Variants in DIAPH2 observed in about 807,000 individuals in gnomAD.
The protein encoded by DIAPH2 is diaphanous related formin 2, also known as protein diaphanous homolog 2.
In DIAPH2, 35 loss-of-function variants were observed where a neutral mutation model predicts 92.7. That is an observed-to-expected ratio of 0.38 (90% CI 0.29 to 0.50). The LOEUF is 0.50. Ranked by LOEUF, DIAPH2 falls within the 20% of genes least tolerant of loss-of-function variation. DIAPH2 has a pLI of 0.94. For missense variants in DIAPH2, 701 were observed against 819.5 expected, an observed-to-expected ratio of 0.86 and a Z score of 1.77; for synonymous variants, 301 against 280.4, an observed-to-expected ratio of 1.07 and a Z score of -0.73.
intron 24 of DIAPH2, among the ~76,000 whole-genome samples, chrX:97,355,942 C>G (rs1316295409): frequency 1.8e-5 from 2 of 111,930 alleles, no homozygotes; most frequent in Non-Finnish European, 3.8e-5. Context: ...CCTGCCTGTC[C>G]TGTCTTGCTG....
In DIAPH2 at chrX:96,898,349, A is replaced by C. The variant is rs1188886565; in HGVS notation, c.588-13979A>C. Among the ~76,000 whole-genome samples the C allele has an allele frequency of 7.1e-3, 729 of 102,595 alleles. 8 individuals carry two copies. Among genetic ancestry groups the C allele is most frequent in the African/African-American group, 0.023 (656 of 29,063 alleles). 89.1% of individuals were successfully genotyped at this position (102,595 alleles called of 115,157 possible). On this transcript the variant is annotated intron_variant, in intron 5 of 26. Transcript: ENST00000324765. ...CAGTTTACAGTCCCACCAACAGTGT[A>C]AAAGTGTTCCTATTTCTCCACATCC...
At chrX:97,004,458 T>G (rs1289180202) in intron 17 of DIAPH2, among the ~76,000 whole-genome samples, 1 of 111,901 alleles carries the variant, frequency 8.9e-6, no homozygotes, top group Non-Finnish European at 1.9e-5. Flanking sequence ...ATTTTAAATT[T>G]TTTTTGGTGT....
intron 23 of DIAPH2, among the ~76,000 whole-genome samples, chrX:97,344,889 A>G (rs1465546723): frequency 8.9e-6 from 1 of 112,202 alleles, no homozygotes; most frequent in Non-Finnish European, 1.9e-5. Flanking sequence ...GCTTTCTGCA[A>G]TATGCAAACA....
chrX:97,536,953 A>G (rs1343711193), intron 26 of DIAPH2, among the ~76,000 whole-genome samples: 4 of 112,241 alleles, frequency 3.6e-5, no homozygotes, highest in Admixed American at 9.5e-5. Context: ...CAAGGACCAT[A>G]TAGTTCATTG....
At chrX:97,468,683 G>A (rs2070536277) in intron 26 of DIAPH2, among the ~76,000 whole-genome samples, 1 of 107,598 alleles carries the variant, frequency 9.3e-6, no homozygotes, top group Non-Finnish European at 1.9e-5. Context: ...AGGAAGCCAA[G>A]AAGGTTTGGA....
At chrX:97,539,561 C>T (rs889681434) in intron 26 of DIAPH2, among the ~76,000 whole-genome samples, 3 of 111,891 alleles carry the variant, frequency 2.7e-5, no homozygotes, top group African/African-American at 6.5e-5. Flanking sequence ...TAGTACAAGA[C>T]GAACAAACAG....
chrX:96,804,016 G>C (rs1217811379), intron 4 of DIAPH2, among the ~76,000 whole-genome samples: 1 of 111,517 alleles, frequency 9.0e-6, no homozygotes, highest in Non-Finnish European at 1.9e-5. Flanking sequence ...TCCAGCCTAG[G>C]TGACCGAAAA....
intron 17 of DIAPH2, among the ~76,000 whole-genome samples, chrX:97,024,666 G>A (rs2066319897): frequency 1.8e-5 from 2 of 112,146 alleles, no homozygotes; most frequent in African/African-American, 6.5e-5. Flanking sequence ...TTTCTCCTGA[G>A]TATGATCTGA....
At chrX:97,211,948 G>A (rs1929443975) in intron 22 of DIAPH2, among the ~76,000 whole-genome samples, 2 of 111,353 alleles carry the variant, frequency 1.8e-5, no homozygotes, top group Non-Finnish European at 3.8e-5. Flanking sequence ...AAAAAGAAAC[G>A]ACTAAGAAAA....
chrX:96,789,604 G>T, intron 4 of DIAPH2, among the ~76,000 whole-genome samples: 1 of 112,079 alleles, frequency 8.9e-6, no homozygotes, highest in Non-Finnish European at 1.9e-5. Context: ...CTTAGTCTTA[G>T]GCTCAATTTG....
intron 26 of DIAPH2, among the ~76,000 whole-genome samples, chrX:97,505,978 A>G (rs992443197): frequency 2.7e-5 from 3 of 109,759 alleles, no homozygotes; most frequent in African/African-American, 9.9e-5. Flanking sequence ...CCAACCTTGC[A>G]AGAATTCAAG....
At position 97,599,287 on chromosome X, in the gene DIAPH2, T is replaced by G. The variant is rs780183267; in HGVS notation, c.3276T>G (p.Ser1092=). The change falls in exon 27 of 27, where the codon TCT becomes TCG. Residue 1092 remains serine, a synonymous_variant. Transcript: ENST00000324765. ...NRRVPLERSR[S]RHNGAISSK is the part of the protein sequence containing the mutation. ...GAGTACCTTTGGAAAGGTCACGCTC[T>G]CGCCACAATGGAGCTATCTCATCTA... 2.5e-6 allele frequency: 3 copies of G among 1,194,045 alleles called. No individual in the cohort carries two copies. In the East Asian group the frequency reaches 9.0e-5, roughly 36 times the overall value.
chrX:96,856,274 A>G (rs2065038811), intron 4 of DIAPH2, among the ~76,000 whole-genome samples: 1 of 111,103 alleles, frequency 9.0e-6, no homozygotes, highest in Non-Finnish European at 1.9e-5. Context: ...TTTTCATCCA[A>G]CAGCAAATTT....
intron 23 of DIAPH2, among the ~76,000 whole-genome samples, chrX:97,281,104 A>G (rs906392335): frequency 2.7e-5 from 3 of 111,205 alleles, no homozygotes; most frequent in Non-Finnish European, 3.8e-5. Context: ...CAAGAGTAAA[A>G]CTCTTTACGC....
chrX:97,411,458 G>A (rs1181447502), intron 25 of DIAPH2, among the ~76,000 whole-genome samples: 3 of 111,954 alleles, frequency 2.7e-5, no homozygotes, highest in African/African-American at 6.5e-5. Context: ...ATGCCAAATT[G>A]TAAAGACCAT....
chrX:97,447,756 A>G (rs1356670593), intron 26 of DIAPH2, among the ~76,000 whole-genome samples: 1 of 111,870 alleles, frequency 8.9e-6, no homozygotes, highest in African/African-American at 3.3e-5. Flanking sequence ...TTTGGGTTAT[A>G]GGACTACAAT....
intron 26 of DIAPH2, among the ~76,000 whole-genome samples, chrX:97,494,146 T>C (rs1182479920): frequency 9.5e-6 from 1 of 105,203 alleles, no homozygotes; most frequent in Admixed American, 1.0e-4. Flanking sequence ...TGTATATATG[T>C]ATACACACAC....
intron 23 of DIAPH2, among the ~76,000 whole-genome samples, chrX:97,337,280 A>C (rs1030520884): frequency 4.5e-5 from 5 of 111,126 alleles, no homozygotes; most frequent in Admixed American, 2.9e-4. Flanking sequence ...TCTGATCCCC[A>C]GAAGGGATTA....
chrX:97,198,261 A>G (rs1170441894), intron 22 of DIAPH2, among the ~76,000 whole-genome samples: 1 of 58,313 alleles, frequency 1.7e-5, no homozygotes, highest in Non-Finnish European at 2.9e-5. Context: ...CAACAACAAC[A>G]AAATACACAC....
Sources: allele counts gnomAD v4.1 joint callset (sites outside exome capture counted in the v4.1 genomes callset), GRCh38; gene constraint gnomAD v4.1.1; transcripts MANE v1.5; gene names NCBI Gene and HGNC (gene_info 2026-07-23, HGNC 2026-07-21).